The following POU6F2 variants were observed in gnomAD, a reference collection of about 807,000 sequenced individuals.
POU6F2 encodes the protein POU class 6 homeobox 2.
Under a neutral mutation model 71.3 loss-of-function variants are expected in POU6F2, and 31 were observed. The ratio of observed to expected loss-of-function variants is 0.43; its 90% CI spans 0.33 to 0.59. The LOEUF (loss-of-function observed/expected upper bound fraction) is 0.59. Among genes scored for constraint, POU6F2 ranks in the 20% least tolerant of loss-of-function variants. The probability of loss-of-function intolerance (pLI) is 0.04; values close to 1 mark genes in which losing one functional copy is unlikely to be tolerated. For synonymous variants in POU6F2, 347 were observed against 355.7 expected, an observed-to-expected ratio of 0.98 and a Z score of 0.27; for missense variants, 783 against 856.8, an observed-to-expected ratio of 0.91 and a Z score of 1.07.
rs559354293 is a variant in POU6F2, at chr7:39,282,068, A to G, written c.599-57574A>G. Reference sequence around the variant, plus strand: ...TGATGTTGAGTATTTTTTCATATACAGGTTGGCCATTTGTATGTCTTCCAA... The same window carrying G: ...TGATGTTGAGTATTTTTTCATATACGGGTTGGCCATTTGTATGTCTTCCAA... On this transcript the variant is annotated intron_variant, in intron 4 of 9. Coordinates refer to ENST00000518318, the MANE Select transcript of POU6F2 (RefSeq NM_001370959.1). 7.9e-5 allele frequency among the ~76,000 whole-genome samples: 12 copies of G among 152,202 alleles called. No homozygotes were observed. The South Asian group carries it at 1.7e-3, about 21-fold the overall frequency.
chr7:39,451,420 G>A, intron 7 of POU6F2, 113 bp from the exon 8 acceptor site: 2 of 1,167,596 alleles, frequency 1.7e-6, no homozygotes, highest in Non-Finnish European at 2.4e-6. Flanking sequence ...TTCCTGAGAA[G>A]TATATATTCT....
chr7:39,093,718 T>G (rs937892200), intron 2 of POU6F2, among the ~76,000 whole-genome samples: 2 of 152,146 alleles, frequency 1.3e-5, no homozygotes, highest in African/African-American at 4.8e-5. Context: ...ATTTAAAGAC[T>G]GATATTAACA....
intron 1 of POU6F2, among the ~76,000 whole-genome samples, chr7:39,002,848 T>TCTC: frequency 6.6e-6 from 1 of 152,230 alleles, no homozygotes; most frequent in Admixed American, 6.5e-5. Context: ...TTTTCCTCCC[T>TCTC]CTGCTGCCAA....
At chr7:39,150,754 C>A (rs1355731360) in intron 2 of POU6F2, among the ~76,000 whole-genome samples, 2 of 152,088 alleles carry the variant, frequency 1.3e-5, no homozygotes, top group African/African-American at 2.4e-5. Context: ...AGGTGTGAGC[C>A]ATTGTGCCCA....
intron 4 of POU6F2, among the ~76,000 whole-genome samples, chr7:39,302,332 T>TG (rs1472543133): frequency 6.6e-6 from 1 of 152,168 alleles, no homozygotes; most frequent in Non-Finnish European, 1.5e-5. Flanking sequence ...AATGCACTGT[T>TG]GGGGGGTGAT....
chr7:39,213,489 A>G (rs753529368), intron 4 of POU6F2, among the ~76,000 whole-genome samples: 4 of 152,216 alleles, frequency 2.6e-5, no homozygotes, highest in Non-Finnish European at 1.5e-5. Context: ...GCATCCACCC[A>G]TGCAGGCTCC....
intron 8 of POU6F2, among the ~76,000 whole-genome samples, chr7:39,459,692 A>C (rs937422771): frequency 6.6e-6 from 1 of 152,220 alleles, no homozygotes; most frequent in African/African-American, 2.4e-5. Flanking sequence ...GCTTTGCTAC[A>C]GGCAGGATTG....
intron 2 of POU6F2, among the ~76,000 whole-genome samples, chr7:39,170,457 C>T (rs1295185635): frequency 6.6e-6 from 1 of 152,040 alleles, no homozygotes; most frequent in Non-Finnish European, 1.5e-5. Flanking sequence ...CTAAAAATTT[C>T]CCAATTTCCC....
chr7:39,097,616 C>T (rs1791481578), intron 2 of POU6F2, among the ~76,000 whole-genome samples: 2 of 152,152 alleles, frequency 1.3e-5, no homozygotes, highest in South Asian at 4.1e-4. Flanking sequence ...CTATTCAATA[C>T]AGTTTATGTA....
chr7:39,170,831 A>G (rs1793204516), intron 2 of POU6F2, among the ~76,000 whole-genome samples: 1 of 152,010 alleles, frequency 6.6e-6, no homozygotes, highest in African/African-American at 2.4e-5. Context: ...TACATGTATC[A>G]AAATATCACA....
intron 4 of POU6F2, among the ~76,000 whole-genome samples, chr7:39,256,735 G>A (rs1470002914): frequency 6.6e-6 from 1 of 152,182 alleles, no homozygotes; most frequent in Non-Finnish European, 1.5e-5. Context: ...GAGTCAACCA[G>A]TGTAGAAAGA....
chr7:39,010,470 A>G (rs1789241110), intron 1 of POU6F2, among the ~76,000 whole-genome samples: 1 of 151,498 alleles, frequency 6.6e-6, no homozygotes, highest in Non-Finnish European at 1.5e-5. Flanking sequence ...CTTTCAAAAA[A>G]CCAGCTCCTG....
At chr7:39,261,212 A>G (rs13241248) in intron 4 of POU6F2, among the ~76,000 whole-genome samples, 138,127 of 152,150 alleles carry the variant, frequency 0.91, 62,752 homozygotes, top group Middle Eastern at 0.96. Context: ...CAGCCAGGCC[A>G]CCTCTCCTGC....
At chr7:39,023,984 G>T (rs966631046) in intron 1 of POU6F2, among the ~76,000 whole-genome samples, 1 of 152,100 alleles carries the variant, frequency 6.6e-6, no homozygotes. Flanking sequence ...ACTTGGAGAT[G>T]TGGGCTCTTT....
At position 39,327,730 on chromosome 7, in the gene POU6F2, T is replaced by A. The variant is rs545885665; in HGVS notation, c.599-11912T>A. On this transcript the variant is annotated intron_variant, in intron 4 of 9. Coordinates refer to ENST00000518318, the MANE Select transcript of POU6F2 (RefSeq NM_001370959.1). ...GTACATATATATATAGACATATATA[T>A]AAAATTTCTTCATTTGTAAAACAGT... Among the ~76,000 whole-genome samples the A allele has an allele frequency of 5.9e-5, 9 of 152,038 alleles. No homozygotes were observed. In the East Asian group the frequency reaches 1.7e-3, roughly 29 times the overall value.
intron 7 of POU6F2, 98 bp downstream of exon 7, chr7:39,433,381 C>T (rs1055722510): frequency 8.2e-6 from 11 of 1,336,208 alleles, no homozygotes; most frequent in Admixed American, 2.0e-5. Context: ...TTTTACATTA[C>T]AAAATAGTTG....
At chr7:39,025,582 T>G (rs1008589619) in intron 1 of POU6F2, among the ~76,000 whole-genome samples, 21 of 151,976 alleles carry the variant, frequency 1.4e-4, no homozygotes, top group Non-Finnish European at 5.9e-5. Flanking sequence ...TCCTTACACC[T>G]TATACAAAAA....
chr7:39,012,560 C>G (rs1192717204), intron 1 of POU6F2, among the ~76,000 whole-genome samples: 2 of 151,942 alleles, frequency 1.3e-5, no homozygotes, highest in Non-Finnish European at 2.9e-5. Flanking sequence ...TGTTCCGTTG[C>G]TGGTGAGGAA....
At position 39,410,683 on chromosome 7, in the gene POU6F2, T is replaced by C. The variant is rs144907027; in HGVS notation, c.1113+3943T>C. On this transcript the variant is annotated intron_variant, in intron 6 of 9. Coordinates refer to ENST00000518318, the MANE Select transcript of POU6F2 (RefSeq NM_001370959.1). Reference sequence around the variant, plus strand: ...AATCTAAGCTCCTAGGTTATGAAGATTAAATGAGATAATGTGTGGGGAAAG... The same window carrying C: ...AATCTAAGCTCCTAGGTTATGAAGACTAAATGAGATAATGTGTGGGGAAAG... Among the ~76,000 whole-genome samples the C allele has an allele frequency of 2.4e-3, 364 of 152,276 alleles. 5 individuals carry two copies. The highest frequency in any genetic ancestry group is 7.9e-3 in the African/African-American group (329 of 41,550).
Sources: allele counts gnomAD v4.1 joint callset (sites outside exome capture counted in the v4.1 genomes callset), GRCh38; gene constraint gnomAD v4.1.1; transcripts MANE v1.5; gene names NCBI Gene and HGNC (gene_info 2026-07-23, HGNC 2026-07-21).